KRT74: variants seen among roughly 807,000 people sequenced by gnomAD.
The protein encoded by KRT74 is keratin, type II cytoskeletal 74.
KRT74 carries 43 observed loss-of-function variants against 42.7 expected under a neutral mutation model. That is an observed-to-expected ratio of 1.01 (90% CI 0.79 to 1.30). The LOEUF is 1.30. Ranked by LOEUF, KRT74 falls within the 50% of genes most tolerant of loss-of-function variation. The probability of loss-of-function intolerance (pLI) is 0.00; values close to 1 mark genes in which losing one functional copy is unlikely to be tolerated. For synonymous variants in KRT74, 302 were observed against 279.0 expected, an observed-to-expected ratio of 1.08 and a Z score of -0.82; for missense variants, 736 against 689.1, an observed-to-expected ratio of 1.07 and a Z score of -0.76.
Position 52,568,334 on chromosome 12 carries a change from A to T in KRT74, c.1190T>A (p.Leu397Gln). The T allele has an allele frequency of 6.2e-7, 1 of 1,614,210 alleles. No homozygotes were observed. Among genetic ancestry groups the T allele is most frequent in the African/African-American group, 1.3e-5 (1 of 75,050 alleles). ...ADAEQRGDNA[L>Q]KDAQAKLDEL... ...ATCCAGCTTGGCCTGGGCATCCTTC[A>T]GGGCATTGTCTCCCCGCTGCTCAGC... is the stretch of plus-strand genomic sequence containing the variant. The change falls in exon 7 of 9, where the codon CTG (leucine) becomes CAG (glutamine). Residue 397 changes from leucine (L) to glutamine (Q), a missense_variant. Transcript: ENST00000305620.
chr12:52,572,475 G>A lies in KRT74; in HGVS notation c.664C>T (p.Leu222=). 6.2e-7 allele frequency: 1 copy of A among 1,614,088 alleles called. No homozygotes were observed. The highest frequency in any genetic ancestry group is 1.1e-5 in the South Asian group (1 of 91,078). Residue 222 remains leucine (L), a synonymous_variant, in exon 2 of 9, where the codon CTG becomes TTG. Transcript: ENST00000305620. ...CACCTCTTCTTATAGTCCTCCACCAGATCCCTCATGCTTCTCAGCTCCGAG... is the reference window on the plus strand; with the variant it reads ...CACCTCTTCTTATAGTCCTCCACCAAATCCCTCATGCTTCTCAGCTCCGAG... The part of the protein sequence containing the change: ...LDSELRSMRD[L]VEDYKKRYEV...
intron 8 of KRT74, 45 bp downstream of exon 8, chr12:52,567,614 G>C (rs748001007): frequency 6.9e-7 from 1 of 1,453,424 alleles, no homozygotes; most frequent in Non-Finnish European, 9.7e-7. Flanking sequence ...TTTGTCCCAG[G>C]GTCCCTGGCT....
chr12:52,572,764 G>T (rs1223793652), intron 1 of KRT74, 97 bp from the exon 2 acceptor site: 3 of 1,159,968 alleles, frequency 2.6e-6, no homozygotes, highest in East Asian at 4.9e-5. Context: ...ATAGATTGTT[G>T]TAGTCATTTT....
At chr12:52,570,149 C>T (rs1939452944) in intron 5 of KRT74, among the ~76,000 whole-genome samples, 165 bp from the exon 6 acceptor site, 2 of 26 alleles carry the variant, frequency 0.077, no homozygotes, top group African/African-American at 0.17. Flanking sequence ...TTCTCCCTGA[C>T]AGCCCCAAAC....
rs772657251 is a variant in KRT74 at position 52,568,207 on chromosome 12, A to T, written c.1317T>A (p.Ile439=). ...CCTCCAGCAGCTTGCGGTAGGTGGC[A>T]ATCTCCATGTCCAGGGCCAGTTTCA... The part of the protein sequence containing the change: ...MSLKLALDME[I]ATYRKLLEGE... Residue 439 remains isoleucine, a synonymous_variant, in exon 7 of 9, where the codon ATT becomes ATA. Coordinates refer to ENST00000305620, the MANE Select transcript of KRT74 (RefSeq NM_175053.4). 3.1e-6 allele frequency: 5 copies of T among 1,613,990 alleles called. No individual in the cohort carries two copies. The South Asian group carries it at 5.5e-5, about 18-fold the overall frequency.
chr12:52,569,767 G>T, intron 6 of KRT74, 92 bp downstream of exon 6: 2 of 1,532,540 alleles, frequency 1.3e-6, no homozygotes, highest in South Asian at 2.2e-5. Flanking sequence ...GCCCAGCAGG[G>T]GATATTTGCT....
At chr12:52,567,200 G>T in intron 8 of KRT74, 32 bp from the exon 9 acceptor site, 5 of 1,521,958 alleles carry the variant, frequency 3.3e-6, no homozygotes, top group South Asian at 2.5e-5. Flanking sequence ...CAGGGGAGAG[G>T]AGCAGTGTCA....
intron 8 of KRT74, 22 bp from the exon 9 acceptor site, chr12:52,567,190 C>T (rs1939396691): frequency 1.3e-6 from 2 of 1,554,458 alleles, no homozygotes; most frequent in Non-Finnish European, 1.7e-6. Flanking sequence ...GGGCCAAGAG[C>T]AGGGGAGAGG....
At position 52,573,794 on chromosome 12, in the gene KRT74, T is replaced by C. The variant is rs1459849284; in HGVS notation, c.-17A>G. 1.9e-6 allele frequency: 3 copies of C among 1,600,276 alleles called. No homozygotes were observed. The highest frequency in any genetic ancestry group is 1.7e-5 in the Admixed American group (1 of 59,974). Reference sequence around the variant, plus strand: ...CCGACTCATGGTGGGAAAGGTTGAGTTGACAGAGCTGGAGAAAAGCAGTCT... The same window carrying C: ...CCGACTCATGGTGGGAAAGGTTGAGCTGACAGAGCTGGAGAAAAGCAGTCT... On this transcript the variant is annotated 5_prime_UTR_variant, in exon 1 of 9. Transcript: ENST00000305620.
intron 1 of KRT74, 90 bp downstream of exon 1, chr12:52,573,217 T>C (rs1939518855): frequency 1.5e-6 from 2 of 1,327,140 alleles, no homozygotes; most frequent in Admixed American, 1.7e-5. Flanking sequence ...AGCTGCACCT[T>C]TCCAGCCACA....
At chr12:52,569,735 T>G (rs1939441508) in intron 6 of KRT74, 124 bp downstream of exon 6, 1 of 1,250,186 alleles carries the variant, frequency 8.0e-7, no homozygotes, top group Non-Finnish European at 1.2e-6. Context: ...AGGGAGACTG[T>G]GGGTGGCCGA....
Position 52,569,907 on chromosome 12 carries a change from G to T in KRT74, c.1086C>A (p.Asn362Lys), listed in dbSNP as rs1159432409. ...KHTRSEMVEL[N>K]RLIQRIRCEI... is the part of the protein sequence containing the mutation. The stretch of plus-strand genomic sequence containing the variant: ...CACACCGGATCCTCTGGATGAGCCG[G>T]TTCAGCTCCACCATCTCGCTCCTGG... The change falls in exon 6 of 9, where the codon AAC becomes AAA. Residue 362 changes from asparagine to lysine, a missense_variant. Asn to Lys is a moderately conservative substitution (Grantham distance 94). Transcript: ENST00000305620. 5 of 1,614,096 alleles carry T rather than the reference G, an allele frequency of 3.1e-6. No individual in the cohort carries two copies. Among genetic ancestry groups the T allele is most frequent in the African/African-American group, 1.3e-5 (1 of 74,934 alleles).
rs897806012 is a variant in KRT74 at position 52,573,236 on chromosome 12, T to C, written c.471+71A>G. On this transcript the variant is annotated intron_variant, in intron 1 of 8. Coordinates refer to ENST00000305620, the MANE Select transcript of KRT74 (RefSeq NM_175053.4). ...GCACCTTTCCAGCCACAGTGTGCAGTCCATTCCCAGGCAGCAGGAAAACTG... is the reference window on the plus strand; with the variant it reads ...GCACCTTTCCAGCCACAGTGTGCAGCCCATTCCCAGGCAGCAGGAAAACTG... 3.5e-6 allele frequency: 5 copies of C among 1,435,566 alleles called. No individual in the cohort carries two copies. In the African/African-American group the frequency reaches 7.0e-5, roughly 20 times the overall value. 88.9% of individuals were successfully genotyped at this position (1,435,566 alleles called of 1,614,324 possible). A position where few individuals can be genotyped will look rare whatever the true frequency, so the allele number is the denominator to read the frequency against.
rs767767541 is a variant in KRT74, at chr12:52,572,603, T to G, written c.536A>C (p.Asp179Ala). 2.5e-6 allele frequency: 4 copies of G among 1,614,068 alleles called. No homozygotes were observed. In the African/African-American group the frequency reaches 5.3e-5, roughly 22 times the overall value. Residue 179 changes from aspartate (D) to alanine (A), a missense_variant, in exon 2 of 9, where the codon GAC (aspartate) becomes GCC (alanine). Transcript: ENST00000305620. ...ETKWELLQQL[D>A]LNNCKKNLEP... is the part of the protein sequence containing the mutation. ...CAGGTTCTTCTTGCAGTTGTTCAGG[T>G]CCAGCTGCTGCAGCAGCTCCCACTT...
Position 52,570,660 on chromosome 12 carries a change from G to C in KRT74, c.1008+9C>G. 1.2e-6 allele frequency: 2 copies of C among 1,614,208 alleles called. No homozygotes were observed. Among genetic ancestry groups the C allele is most frequent in the Non-Finnish European group, 1.7e-6 (2 of 1,180,026 alleles). ...GGCTGCTGTGGGAGGAGACCCATTC[G>C]GTGACCACCTTGGTCTGGTACAGGG... is the stretch of plus-strand genomic sequence containing the variant. On this transcript the variant is annotated intron_variant, in intron 5 of 8. Coordinates refer to ENST00000305620, the MANE Select transcript of KRT74 (RefSeq NM_175053.4).
rs1939403187 is a variant in KRT74, at chr12:52,567,677, G to C, written c.1372C>G (p.Pro458Ala). The C allele has an allele frequency of 1.2e-6, 2 of 1,612,294 alleles. No homozygotes were observed. The highest frequency in any genetic ancestry group is 1.7e-6 in the Non-Finnish European group (2 of 1,178,428). The change falls in exon 8 of 9, where the codon CCA becomes GCA. Residue 458 changes from proline (P) to alanine (A), a missense_variant. Coordinates refer to ENST00000305620, the MANE Select transcript of KRT74 (RefSeq NM_175053.4). ...TACTCACAGATGCTCACAGAGGATG[G>C]ATTCTCACCAGACATCCTGTGAGAC... The part of the protein sequence containing the change: ...GEECRMSGEN[P>A]SSVSISVISS...
Position 52,572,443 on chromosome 12 carries a change from G to A in KRT74, c.686+10C>T. ...ACATGGTCTGTGACCCTCGGGTGGA[G>A]CCTGCTCACCTCTTCTTATAGTCCT... On this transcript the variant is annotated intron_variant, in intron 2 of 8. Coordinates refer to ENST00000305620, the MANE Select transcript of KRT74 (RefSeq NM_175053.4). The A allele has an allele frequency of 6.2e-7, 1 of 1,613,810 alleles. No individual in the cohort carries two copies. The highest frequency in any genetic ancestry group is 8.5e-7 in the Non-Finnish European group (1 of 1,179,728).
chr12:52,570,556 G>A (rs1939460492), intron 5 of KRT74, 113 bp downstream of exon 5: 3 of 1,174,910 alleles, frequency 2.6e-6, no homozygotes, highest in South Asian at 1.3e-5. Context: ...GCCTTGGTTG[G>A]AACCTTTCTT....
At position 52,571,968 on chromosome 12, in the gene KRT74, C is replaced by A; in HGVS notation, c.723G>T (p.Glu241Asp). The A allele has an allele frequency of 1.3e-6, 2 of 1,596,948 alleles. No homozygotes were observed. The highest frequency in any genetic ancestry group is 1.7e-6 in the Non-Finnish European group (2 of 1,164,616). The change falls in exon 3 of 9, where the codon GAG (glutamate) becomes GAT (aspartate). Residue 241 changes from glutamate (E) to aspartate (D), a missense_variant. Coordinates refer to ENST00000305620, the MANE Select transcript of KRT74 (RefSeq NM_175053.4). ...EVEINRRTTA[E>D]NEFVVLKKDA... ...CCTTCTTAAGCACCACAAACTCATT[C>A]TCTGCTGTCGTGCGCCGGTTAATCT...
Sources: gnomAD v4.1 joint callset for allele counts (sites outside exome capture counted in the v4.1 genomes callset) on GRCh38, gnomAD v4.1.1 for gene constraint, MANE v1.5 for transcripts, NCBI Gene and HGNC (gene_info 2026-07-23, HGNC 2026-07-21) for gene names.